SSBP3: variants seen among roughly 807,000 people sequenced by gnomAD.
SSBP3 encodes single-stranded DNA-binding protein 3.
Under a neutral mutation model 69.6 loss-of-function variants are expected in SSBP3, and 5 were observed. That is an observed-to-expected ratio of 0.07 (90% CI 0.04 to 0.15). The LOEUF (loss-of-function observed/expected upper bound fraction) is 0.15. SSBP3 is among the 10% of genes least tolerant of loss of function. The probability of loss-of-function intolerance (pLI) is 1.00; values close to 1 mark genes in which losing one functional copy is unlikely to be tolerated. For synonymous variants in SSBP3, 196 were observed against 193.4 expected, an observed-to-expected ratio of 1.01 and a Z score of -0.11; for missense variants, 312 against 534.0, an observed-to-expected ratio of 0.58 and a Z score of 4.10.
At chr1:54,406,056 G>GCCGCCA in exon 1 of SSBP3, 2 of 1,384,594 alleles carry the variant, frequency 1.4e-6, no homozygotes, top group Non-Finnish European at 9.6e-7. Context: ...CGCCGCCGCC[G>GCCGCCA]CCGCTACCGC....
chr1:54,336,904 T>C (rs1361987918), intron 4 of SSBP3, among the ~76,000 whole-genome samples: 1 of 152,190 alleles, frequency 6.6e-6, no homozygotes, highest in Non-Finnish European at 1.5e-5. Context: ...CCCAATTCAC[T>C]GGCTTCCTCA....
chr1:54,295,368 C>T (rs17110286), intron 4 of SSBP3, among the ~76,000 whole-genome samples: 3 of 152,188 alleles, frequency 2.0e-5, no homozygotes, highest in Non-Finnish European at 4.4e-5. Context: ...AGCTCAAATG[C>T]CCCCTGCTTC....
chr1:54,233,855 A>G (rs1644436240), intron 14 of SSBP3, among the ~76,000 whole-genome samples: 1 of 152,208 alleles, frequency 6.6e-6, no homozygotes, highest in Non-Finnish European at 1.5e-5. Flanking sequence ...GGTGTGCCCA[A>G]CAGCTCACTG....
chr1:54,399,678 G>A (rs574842099), intron 4 of SSBP3, among the ~76,000 whole-genome samples: 10 of 152,186 alleles, frequency 6.6e-5, no homozygotes, highest in Admixed American at 2.6e-4. Context: ...GAGTCAGCAA[G>A]AAGCTACTGC....
At chr1:54,374,247 G>A (rs1442279813) in intron 4 of SSBP3, among the ~76,000 whole-genome samples, 1 of 152,228 alleles carries the variant, frequency 6.6e-6, no homozygotes, top group African/African-American at 2.4e-5. Flanking sequence ...AGCCCACGGC[G>A]TGTTGGGGAT....
exon 18 of SSBP3, chr1:54,226,808 C>G (rs1041919814): frequency 3.6e-6 from 1 of 278,706 alleles, no homozygotes; most frequent in Admixed American, 4.9e-5. Flanking sequence ...AAACCCCAAA[C>G]AAAAAACAAC....
At chr1:54,311,700 C>T (rs1279358445) in intron 4 of SSBP3, among the ~76,000 whole-genome samples, 1 of 152,164 alleles carries the variant, frequency 6.6e-6, no homozygotes, top group East Asian at 1.9e-4. Flanking sequence ...CAGCAGCCCT[C>T]CTGTCCTACC....
chr1:54,287,727 G>A (rs181874571), intron 4 of SSBP3, among the ~76,000 whole-genome samples: 3 of 152,240 alleles, frequency 2.0e-5, no homozygotes, highest in Non-Finnish European at 2.9e-5. Context: ...GAATGGAAGC[G>A]ACCGGGGGAA....
At chr1:54,380,834 T>C (rs1647573023) in intron 4 of SSBP3, among the ~76,000 whole-genome samples, 1 of 152,088 alleles carries the variant, frequency 6.6e-6, no homozygotes, top group South Asian at 2.1e-4. Context: ...AAAGCCAGTA[T>C]ATTAGGCAGG....
In SSBP3 at chr1:54,375,788, G is replaced by A. The variant is rs540163780; in HGVS notation, c.276+26073C>T. ...CCTCTGGACTGGACTTTATCTTGACGCTACAGGCGGCTGCGGTGGCCCTGC... is the reference window on the plus strand; with the variant it reads ...CCTCTGGACTGGACTTTATCTTGACACTACAGGCGGCTGCGGTGGCCCTGC... On this transcript the variant is annotated intron_variant, in intron 4 of 17. Coordinates refer to ENST00000610401, the Ensembl canonical transcript of SSBP3. Among the ~76,000 whole-genome samples, 6 of 152,342 alleles carry A rather than the reference G, an allele frequency of 3.9e-5. No individual in the cohort carries two copies. The South Asian group carries it at 8.3e-4, about 21-fold the overall frequency.
chr1:54,241,794 A>T (rs1644643494), intron 11 of SSBP3, among the ~76,000 whole-genome samples: 1 of 152,212 alleles, frequency 6.6e-6, no homozygotes, highest in Non-Finnish European at 1.5e-5. Context: ...GGCAGGAAAC[A>T]GCTTTACCCC....
At chr1:54,241,837 T>C (rs682211) in intron 11 of SSBP3, among the ~76,000 whole-genome samples, 98,235 of 152,200 alleles carry the variant, frequency 0.65, 32,513 homozygotes, top group African/African-American at 0.79. Context: ...ACTGTCTGTG[T>C]GGAGCACCTT....
intron 4 of SSBP3, among the ~76,000 whole-genome samples, chr1:54,336,562 G>A (rs1215294193): frequency 3.9e-5 from 6 of 152,202 alleles, no homozygotes; most frequent in Non-Finnish European, 7.3e-5. Context: ...GCCCTGTACA[G>A]ATGGGCCTGG....
chr1:54,404,817 G>GA, intron 2 of SSBP3, 41 bp downstream of exon 2: 2 of 1,074,310 alleles, frequency 1.9e-6, no homozygotes, highest in African/African-American at 3.4e-5. Context: ...GTGGGGGGGG[G>GA]GGGTGTCAAG....
intron 14 of SSBP3, among the ~76,000 whole-genome samples, chr1:54,232,890 G>A (rs1233383740): frequency 6.6e-6 from 1 of 152,194 alleles, no homozygotes; most frequent in African/African-American, 2.4e-5. Flanking sequence ...GTGCTCAACG[G>A]TGCCCAGGCT....
chr1:54,409,197 T>TCA (rs1351557649), upstream of SSBP3, among the ~76,000 whole-genome samples: 3 of 152,130 alleles, frequency 2.0e-5, no homozygotes. Context: ...GCTTCCTGCC[T>TCA]CAGTTCCCTT....
At chr1:54,335,524 A>T (rs1435704791) in intron 4 of SSBP3, among the ~76,000 whole-genome samples, 1 of 152,152 alleles carries the variant, frequency 6.6e-6, no homozygotes, top group Non-Finnish European at 1.5e-5. Context: ...CAGGAGACAG[A>T]GGCTGATTTA....
intron 4 of SSBP3, among the ~76,000 whole-genome samples, chr1:54,345,124 C>A (rs1316724906): frequency 6.6e-6 from 1 of 152,262 alleles, no homozygotes; most frequent in Admixed American, 6.5e-5. Flanking sequence ...CAAGAGTTCT[C>A]GTGCGTGGCC....
At chr1:54,334,209 G>C (rs2100475110) in intron 4 of SSBP3, among the ~76,000 whole-genome samples, 1 of 152,042 alleles carries the variant, frequency 6.6e-6, no homozygotes, top group Admixed American at 6.6e-5. Flanking sequence ...AAAATTAGCT[G>C]GGCGTGGTGG....
Sources: gnomAD v4.1 joint callset for allele counts (sites outside exome capture counted in the v4.1 genomes callset) on GRCh38, gnomAD v4.1.1 for gene constraint, MANE v1.5 for transcripts, NCBI Gene and HGNC (gene_info 2026-07-23, HGNC 2026-07-21) for gene names.